The following TMCC3 variants were observed in gnomAD, a reference collection of about 807,000 sequenced individuals.
The protein encoded by TMCC3 is transmembrane and coiled-coil domain protein 3.
In TMCC3, 28 loss-of-function variants were observed where a neutral mutation model predicts 40.2. That is an observed-to-expected ratio of 0.70 (90% CI 0.52 to 0.95). TMCC3 has a LOEUF of 0.95. Ranked by LOEUF, TMCC3 falls within the 40% of genes least tolerant of loss-of-function variation. The pLI is 0.00. For missense variants in TMCC3, 554 were observed against 615.2 expected, an observed-to-expected ratio of 0.90 and a Z score of 1.05; for synonymous variants, 255 against 248.5, an observed-to-expected ratio of 1.03 and a Z score of -0.25.
rs34398994 is a variant in TMCC3, at chr12:94,646,431, C to CTTTTTT, written c.78+3916_78+3921dup. Among the ~76,000 whole-genome samples, 28 of 90,718 alleles carry CTTTTTT rather than the reference C, an allele frequency of 3.1e-4. 1 individual carries two copies. The highest frequency in any genetic ancestry group is 1.3e-3 in the East Asian group (4 of 3,164). 59.5% of individuals were successfully genotyped at this position (90,718 alleles called of 152,430 possible). A position where few individuals can be genotyped will look rare whatever the true frequency, so the allele number is the denominator to read the frequency against. On this transcript the variant is annotated intron_variant, in intron 1 of 3. Coordinates refer to ENST00000261226, the MANE Select transcript of TMCC3 (RefSeq NM_020698.4). ...ATAGCTAATATTTGAAAGCACACAC[C>CTTTTTT]TTTTTTTTTTTTTTTTTTTTTTTTG...
chr12:94,594,194 T>C (rs546867213), intron 1 of TMCC3, among the ~76,000 whole-genome samples: 1,180 of 93,462 alleles, frequency 0.013, 6 homozygotes, highest in Non-Finnish European at 0.016. Context: ...GCCTTTTAAA[T>C]TTAAATATAT....
chr12:94,642,664 C>T (rs1009663504), intron 1 of TMCC3, among the ~76,000 whole-genome samples: 2 of 152,240 alleles, frequency 1.3e-5, no homozygotes, highest in African/African-American at 4.8e-5. Flanking sequence ...ATCACACCCA[C>T]GGTCTCTGCT....
chr12:94,593,380 A>AAGAAG (rs112083634), intron 1 of TMCC3, among the ~76,000 whole-genome samples: 4 of 64,444 alleles, frequency 6.2e-5, no homozygotes, highest in Admixed American at 1.5e-4. Flanking sequence ...AAAGAAAAGA[A>AAGAAG]AAGAAAGAAG....
Position 94,572,123 on chromosome 12 carries a change from C to G in TMCC3, c.1132-386G>C, listed in dbSNP as rs543853696. On this transcript the variant is annotated intron_variant, in intron 3 of 3. Transcript: ENST00000261226. ...CAAGCAACTCTCCTGCCTCAGCCCC[C>G]CAAGTAGCTGGGACTACAGGTGCGC... 2.2e-4 allele frequency among the ~76,000 whole-genome samples: 33 copies of G among 152,104 alleles called. No homozygotes were observed. The East Asian group carries it at 4.6e-3, about 21-fold the overall frequency.
intron 1 of TMCC3, among the ~76,000 whole-genome samples, chr12:94,642,923 T>G (rs1413630711): frequency 6.6e-6 from 1 of 152,204 alleles, no homozygotes; most frequent in Non-Finnish European, 1.5e-5. Context: ...CCGGGCGCAG[T>G]GCCTCATGCC....
intron 2 of TMCC3, among the ~76,000 whole-genome samples, chr12:94,580,133 T>C (rs1442037915): frequency 6.6e-6 from 1 of 152,244 alleles, no homozygotes; most frequent in East Asian, 1.9e-4. Flanking sequence ...TGTTATAGTA[T>C]GTAATAGGCA....
At chr12:94,610,627 T>C (rs978800756) in intron 1 of TMCC3, among the ~76,000 whole-genome samples, 5 of 152,108 alleles carry the variant, frequency 3.3e-5, no homozygotes, top group African/African-American at 1.2e-4. Flanking sequence ...CATCCATCAA[T>C]AGAGAACCTC....
chr12:94,589,146 T>A (rs1973487), intron 1 of TMCC3, among the ~76,000 whole-genome samples: 95,802 of 150,702 alleles, frequency 0.64, 30,477 homozygotes, highest in Admixed American at 0.67. Context: ...TGTTTTTTTT[T>A]AGCTCATTGG....
At chr12:94,589,222 A>G (rs1415529363) in intron 1 of TMCC3, among the ~76,000 whole-genome samples, 3 of 152,122 alleles carry the variant, frequency 2.0e-5, no homozygotes, top group Non-Finnish European at 4.4e-5. Flanking sequence ...AATGTAGCTC[A>G]GGGACGCCAA....
chr12:94,577,937 A>T (rs1345759311), intron 3 of TMCC3, among the ~76,000 whole-genome samples: 1 of 151,992 alleles, frequency 6.6e-6, no homozygotes, highest in Non-Finnish European at 1.5e-5. Flanking sequence ...ACTTGAGGTC[A>T]GGAGTTTGAG....
chr12:94,584,402 C>T (rs541799280), intron 1 of TMCC3, among the ~76,000 whole-genome samples: 2 of 152,256 alleles, frequency 1.3e-5, no homozygotes, highest in African/African-American at 4.8e-5. Flanking sequence ...GCTTCCTGTA[C>T]ACAGCCTGCA....
chr12:94,612,729 A>G (rs1458631945), intron 1 of TMCC3, among the ~76,000 whole-genome samples: 1 of 152,254 alleles, frequency 6.6e-6, no homozygotes, highest in Non-Finnish European at 1.5e-5. Context: ...AGCAAGACAG[A>G]ATTACTTGCA....
chr12:94,578,165 A>AAAAAAAAAAAAAAAAG (rs1467855760), intron 3 of TMCC3, among the ~76,000 whole-genome samples: 178 of 123,226 alleles, frequency 1.4e-3, no homozygotes, highest in African/African-American at 4.1e-3. Context: ...AAAAAAAAAA[A>AAAAAAAAAAAAAAAAG]AAAGAAAAAG....
chr12:94,630,256 CA>C (rs59380759), intron 1 of TMCC3, among the ~76,000 whole-genome samples: 18,489 of 145,334 alleles, frequency 0.13, 1,468 homozygotes, highest in African/African-American at 0.24. Flanking sequence ...GACTCTGTCC[CA>C]AAAAAAAAAA....
chr12:94,647,740 A>G (rs747793764), intron 1 of TMCC3, among the ~76,000 whole-genome samples: 2 of 152,246 alleles, frequency 1.3e-5, no homozygotes, highest in Non-Finnish European at 1.5e-5. Flanking sequence ...AGCTGCATCC[A>G]AGTGAGTTCC....
intron 3 of TMCC3, among the ~76,000 whole-genome samples, chr12:94,573,247 C>T (rs1161761689): frequency 6.6e-6 from 1 of 151,982 alleles, no homozygotes; most frequent in African/African-American, 2.4e-5. Flanking sequence ...GCCACGGAGG[C>T]AACATCCAGT....
intron 1 of TMCC3, among the ~76,000 whole-genome samples, chr12:94,643,084 C>T (rs901416869): frequency 6.6e-6 from 1 of 151,960 alleles, no homozygotes; most frequent in African/African-American, 2.4e-5. Flanking sequence ...CCCAGCTACT[C>T]GGGAGGCTGA....
chr12:94,588,293 A>C (rs1369411076), intron 1 of TMCC3, among the ~76,000 whole-genome samples: 1 of 152,036 alleles, frequency 6.6e-6, no homozygotes, highest in African/African-American at 2.4e-5. Flanking sequence ...GAGGCACACC[A>C]CCCACCCCCC....
chr12:94,601,489 T>C (rs1205310783), intron 1 of TMCC3, among the ~76,000 whole-genome samples: 2 of 151,900 alleles, frequency 1.3e-5, no homozygotes, highest in Non-Finnish European at 2.9e-5. Context: ...TTACACTCAC[T>C]ACACTCCAGC....
Sources: allele counts gnomAD v4.1 joint callset (sites outside exome capture counted in the v4.1 genomes callset), GRCh38; gene constraint gnomAD v4.1.1; transcripts MANE v1.5; gene names NCBI Gene and HGNC (gene_info 2026-07-23, HGNC 2026-07-21).